The following DIP2C variants were observed in gnomAD, a reference collection of about 807,000 sequenced individuals.
The protein encoded by DIP2C is disco-interacting protein 2 homolog C.
In DIP2C, 33 loss-of-function variants were observed where a neutral mutation model predicts 192.4. The ratio of observed to expected loss-of-function variants is 0.17; its 90% CI spans 0.13 to 0.23. DIP2C has a LOEUF of 0.23. DIP2C is among the 10% of genes least tolerant of loss of function. The pLI is 1.00. For synonymous variants in DIP2C, 979 were observed against 864.1 expected, an observed-to-expected ratio of 1.13 and a Z score of -2.33; for missense variants, 1,537 against 2,110.1, an observed-to-expected ratio of 0.73 and a Z score of 5.32.
chr10:399,355 CTG>C (rs1964234164), intron 9 of DIP2C, 136 bp from the exon 10 acceptor site: 2 of 643,542 alleles, frequency 3.1e-6, no homozygotes, highest in South Asian at 3.8e-5. Flanking sequence ...TTTCAGTAAG[CTG>C]TGTTTTAATA....
chr10:515,985 C>T (rs1432816888), intron 1 of DIP2C, among the ~76,000 whole-genome samples: 1 of 151,884 alleles, frequency 6.6e-6, no homozygotes, highest in East Asian at 2.0e-4. Context: ...AAGAATATGT[C>T]TGTGCTCAAA....
At chr10:337,313 G>GA (rs1957869120) in intron 29 of DIP2C, among the ~76,000 whole-genome samples, 1 of 139,194 alleles carries the variant, frequency 7.2e-6, no homozygotes, top group African/African-American at 2.7e-5. Flanking sequence ...GTGTGTGTGT[G>GA]TGCACGTGTG....
chr10:352,050 A>C (rs535445653), intron 24 of DIP2C, among the ~76,000 whole-genome samples: 84 of 152,278 alleles, frequency 5.5e-4, no homozygotes, highest in Admixed American at 1.8e-3. Flanking sequence ...CCCGACCCCC[A>C]CAGTCCATTC....
At chr10:351,262 C>G (rs1338435655) in intron 24 of DIP2C, among the ~76,000 whole-genome samples, 2 of 152,282 alleles carry the variant, frequency 1.3e-5, no homozygotes, top group South Asian at 4.1e-4. Flanking sequence ...TCGAAGGGCC[C>G]GTGTCAGAAA....
intron 1 of DIP2C, among the ~76,000 whole-genome samples, chr10:618,675 G>C (rs816608): frequency 2.0e-5 from 3 of 152,148 alleles, no homozygotes; most frequent in African/African-American, 7.2e-5. Flanking sequence ...CTATCACTCA[G>C]CTACAGCCTC....
intron 3 of DIP2C, among the ~76,000 whole-genome samples, chr10:470,464 G>A (rs1016954303): frequency 1.2e-4 from 19 of 152,118 alleles, no homozygotes; most frequent in African/African-American, 3.9e-4. Context: ...CCTTTGAAGA[G>A]GTGAGGTAAG....
At chr10:409,237 GGA>G (rs1441817017) in intron 8 of DIP2C, among the ~76,000 whole-genome samples, 1 of 152,126 alleles carries the variant, frequency 6.6e-6, no homozygotes, top group Admixed American at 6.6e-5. Flanking sequence ...CAAAACTTCA[GGA>G]GAGAGAATGA....
chr10:495,169 A>T (rs141306646), intron 1 of DIP2C, among the ~76,000 whole-genome samples: 64 of 151,904 alleles, frequency 4.2e-4, no homozygotes, highest in East Asian at 1.4e-3. Flanking sequence ...GTGGCATCTT[A>T]AAAAAGTAGA....
intron 1 of DIP2C, among the ~76,000 whole-genome samples, chr10:585,734 C>T (rs988061875): frequency 1.3e-5 from 2 of 152,160 alleles, no homozygotes; most frequent in African/African-American, 4.8e-5. Context: ...CTGCAAGGTA[C>T]AACCAGGAAG....
chr10:555,941 T>TG (rs952385168), intron 1 of DIP2C, among the ~76,000 whole-genome samples: 55 of 152,050 alleles, frequency 3.6e-4, no homozygotes, highest in Non-Finnish European at 6.6e-4. Flanking sequence ...CAGCAGCCGC[T>TG]GAGTAGGGGA....
intron 2 of DIP2C, among the ~76,000 whole-genome samples, chr10:480,792 C>T (rs994087553): frequency 7.9e-5 from 12 of 152,240 alleles, no homozygotes; most frequent in African/African-American, 2.7e-4. Context: ...TCTCCGGCAG[C>T]TAAGCGTGGT....
chr10:545,756 AG>A (rs1431658524), intron 1 of DIP2C, among the ~76,000 whole-genome samples: 1 of 152,188 alleles, frequency 6.6e-6, no homozygotes, highest in Non-Finnish European at 1.5e-5. Flanking sequence ...TTTTTTGTGT[AG>A]GGTGAGGGAG....
chr10:658,120 G>A (rs1856510117), intron 1 of DIP2C, among the ~76,000 whole-genome samples: 1 of 140,514 alleles, frequency 7.1e-6, no homozygotes, highest in Admixed American at 7.2e-5. Context: ...CCTGCCCCTG[G>A]ACCTGCCGCT....
intron 1 of DIP2C, among the ~76,000 whole-genome samples, chr10:517,795 T>C: frequency 6.6e-6 from 1 of 151,172 alleles, no homozygotes; most frequent in Non-Finnish European, 1.5e-5. Flanking sequence ...ATATAAAAGG[T>C]CTCTTTATTA....
intron 1 of DIP2C, among the ~76,000 whole-genome samples, chr10:506,441 G>A (rs775808980): frequency 6.6e-6 from 1 of 152,122 alleles, no homozygotes; most frequent in Non-Finnish European, 1.5e-5. Context: ...GGGGTCTGAG[G>A]CTTTCAACTG....
chr10:385,091 C>A (rs1962773680), intron 14 of DIP2C, among the ~76,000 whole-genome samples: 1 of 151,856 alleles, frequency 6.6e-6, no homozygotes, highest in Non-Finnish European at 1.5e-5. Flanking sequence ...GGACACCAGG[C>A]TGCACGGGCT....
chr10:366,194 G>A (rs530934609), intron 19 of DIP2C, 81 bp downstream of exon 19: 96 of 1,558,390 alleles, frequency 6.2e-5, no homozygotes, highest in East Asian at 1.9e-4. Flanking sequence ...TACATTCCAC[G>A]TCTATCACTA....
intron 1 of DIP2C, among the ~76,000 whole-genome samples, chr10:599,215 G>A (rs974232587): frequency 1.3e-5 from 2 of 152,104 alleles, no homozygotes; most frequent in African/African-American, 4.8e-5. Flanking sequence ...ACATCCTCTG[G>A]TCTCAACAGA....
chr10:665,983 T>C (rs1268730609), intron 1 of DIP2C: 6 of 152,130 alleles, frequency 3.9e-5, no homozygotes, highest in South Asian at 2.1e-4. Context: ...GTGGCACTTA[T>C]GGGGTGCTCT....
Sources: allele counts gnomAD v4.1 joint callset (sites outside exome capture counted in the v4.1 genomes callset), GRCh38; gene constraint gnomAD v4.1.1; transcripts MANE v1.5; gene names NCBI Gene and HGNC (gene_info 2026-07-23, HGNC 2026-07-21).